KCTD16: variants seen among roughly 807,000 people sequenced by gnomAD.
KCTD16 encodes the protein potassium channel tetramerization domain containing 16, also known as BTB/POZ domain-containing protein KCTD16.
KCTD16 carries 13 observed loss-of-function variants against 33.2 expected under a neutral mutation model. The observed-to-expected ratio is 0.39, with a 90% CI of 0.25 to 0.62. The LOEUF (loss-of-function observed/expected upper bound fraction) is 0.62, where lower values mean the gene tolerates loss of function less well. Among genes scored for constraint, KCTD16 ranks in the 20% least tolerant of loss-of-function variants. The pLI, the probability that KCTD16 is intolerant of heterozygous loss-of-function variation, is 0.50. For missense variants in KCTD16, 441 were observed against 525.1 expected (o/e 0.84, Z 1.57); for synonymous variants, 197 against 195.3 (o/e 1.01, Z -0.07).
In KCTD16 at chr5:144,477,073, TA is replaced by T. The variant is rs1754610727; in HGVS notation, c.*2962del. ...CAGTGAGCTTTGGGAGATCATTCCC[TA>T]AAGGTATGTGGGTTGTCTGAAGTCA... On this transcript the variant is annotated 3_prime_UTR_variant, in exon 4 of 4. Coordinates refer to ENST00000512467, the MANE Select transcript of KCTD16 (RefSeq NM_020768.4). The T allele has an allele frequency of 1.3e-5, 2 of 152,060 alleles. No individual in the cohort carries two copies. Among genetic ancestry groups the T allele is most frequent in the Admixed American group, 1.3e-4 (2 of 15,262 alleles). 9.4% of individuals were successfully genotyped at this position (152,060 alleles called of 1,614,324 possible). A position where few individuals can be genotyped will look rare whatever the true frequency, so the allele number is the denominator to read the frequency against.
rs7723993 is a variant in KCTD16 at position 144,412,539 on chromosome 5, T to A, written c.833-61121T>A. 2.7e-3 allele frequency among the ~76,000 whole-genome samples: 405 copies of A among 152,188 alleles called. 2 individuals are homozygous for A. The highest frequency in any genetic ancestry group is 9.0e-3 in the African/African-American group (372 of 41,524). On this transcript the variant is annotated intron_variant, in intron 3 of 3. Transcript: ENST00000512467. ...TAGGAAGGGTAAGGGGGAGGGGATA[T>A]AAAGAGAGTTTGACTAGTGGATTCA... is the stretch of plus-strand genomic sequence containing the variant.
At chr5:144,447,910 C>T (rs1183117040) in intron 3 of KCTD16, among the ~76,000 whole-genome samples, 1 of 151,924 alleles carries the variant, frequency 6.6e-6, no homozygotes, top group Admixed American at 6.6e-5. Context: ...CAGATTATAC[C>T]CTAGACCACT....
At chr5:144,197,176 T>G (rs1168875101) in intron 2 of KCTD16, among the ~76,000 whole-genome samples, 1 of 152,238 alleles carries the variant, frequency 6.6e-6, no homozygotes, top group Non-Finnish European at 1.5e-5. Flanking sequence ...AAATCATATT[T>G]TTCAAGCATA....
chr5:144,382,885 C>A (rs577323138), intron 3 of KCTD16, among the ~76,000 whole-genome samples: 2 of 152,318 alleles, frequency 1.3e-5, no homozygotes, highest in Admixed American at 6.5e-5. Context: ...CCACTAAATT[C>A]TCATATTGCT....
At chr5:144,250,500 G>GT (rs959615301) in intron 3 of KCTD16, among the ~76,000 whole-genome samples, 1 of 152,156 alleles carries the variant, frequency 6.6e-6, no homozygotes, top group Admixed American at 6.5e-5. Context: ...TTCCAGAAAC[G>GT]TTTTTCTCAG....
At position 144,473,669 on chromosome 5, in the gene KCTD16, C is replaced by A; in HGVS notation, c.842C>A (p.Ser281Tyr). The change falls in exon 4 of 4, where the codon TCC (serine) becomes TAC (tyrosine). Residue 281 changes from serine (S) to tyrosine (Y), a missense_variant. Transcript: ENST00000512467. ...YTEYVFYREP[S>Y]RWSPSHCDCC... ...TTTGCTTTCTTTTCAGGTGAGCCTT[C>A]CAGATGGTCACCCTCACACTGCGAT... The A allele has an allele frequency of 6.3e-7, 1 of 1,595,252 alleles. No homozygotes were observed.
chr5:144,375,281 C>T (rs1484802030), intron 3 of KCTD16, among the ~76,000 whole-genome samples: 1 of 152,214 alleles, frequency 6.6e-6, no homozygotes, highest in East Asian at 1.9e-4. Context: ...TTGATGTCTA[C>T]ACCAATCTGC....
At chr5:144,462,716 A>G (rs182858980) in intron 3 of KCTD16, among the ~76,000 whole-genome samples, 46 of 152,274 alleles carry the variant, frequency 3.0e-4, no homozygotes, top group East Asian at 7.7e-4. Context: ...CTGGCTTCCA[A>G]TGGTTTCCAC....
At chr5:144,208,377 C>A (rs1225957871) in intron 3 of KCTD16, among the ~76,000 whole-genome samples, 1 of 152,148 alleles carries the variant, frequency 6.6e-6, no homozygotes, top group Non-Finnish European at 1.5e-5. Context: ...AATGAAGATA[C>A]CCTGCAGATT....
intron 3 of KCTD16, among the ~76,000 whole-genome samples, chr5:144,268,843 A>G (rs1045778543): frequency 6.6e-6 from 1 of 152,158 alleles, no homozygotes; most frequent in African/African-American, 2.4e-5. Context: ...GATGTTGGGA[A>G]ACTCAAGAAA....
chr5:144,311,051 CA>C (rs1174299126), intron 3 of KCTD16, among the ~76,000 whole-genome samples: 1 of 152,136 alleles, frequency 6.6e-6, no homozygotes, highest in Non-Finnish European at 1.5e-5. Context: ...TCAAACCAAT[CA>C]TGGTAATTCC....
chr5:144,254,319 T>G (rs185060319), intron 3 of KCTD16, among the ~76,000 whole-genome samples: 32,334 of 151,254 alleles, frequency 0.21, 3,892 homozygotes, highest in Non-Finnish European at 0.28. Context: ...TTTTTTTGTT[T>G]TTTTAGTTAG....
chr5:144,261,936 T>G (rs1405007437), intron 3 of KCTD16, among the ~76,000 whole-genome samples: 1 of 152,204 alleles, frequency 6.6e-6, no homozygotes, highest in African/African-American at 2.4e-5. Context: ...CATACTTATT[T>G]TCTCTCAAAC....
chr5:144,343,726 A>G (rs1752707702), intron 3 of KCTD16, among the ~76,000 whole-genome samples: 1 of 152,102 alleles, frequency 6.6e-6, no homozygotes, highest in Admixed American at 6.5e-5. Flanking sequence ...TAGTGGTATA[A>G]ATTTCCCTCT....
At chr5:144,242,411 T>G (rs1754429589) in intron 3 of KCTD16, among the ~76,000 whole-genome samples, 1 of 152,200 alleles carries the variant, frequency 6.6e-6, no homozygotes, top group Non-Finnish European at 1.5e-5. Context: ...TTTTTCCCTA[T>G]GTATAACACC....
chr5:144,471,590 T>G lies in KCTD16; in HGVS notation c.833-2070T>G, dbSNP rs541828393. Among the ~76,000 whole-genome samples the G allele has an allele frequency of 1.7e-3, 264 of 152,260 alleles. 1 individual carries two copies. Among genetic ancestry groups the G allele is most frequent in the Non-Finnish European group, 3.0e-3 (201 of 67,992 alleles). On this transcript the variant is annotated intron_variant, in intron 3 of 3. Transcript: ENST00000512467. Reference sequence around the variant, plus strand: ...CATTTTGGTATAGGGGTTGCCGAGTTTGGGGAAGCAGAAGCATATTCTGCC... The same window carrying G: ...CATTTTGGTATAGGGGTTGCCGAGTGTGGGGAAGCAGAAGCATATTCTGCC...
intron 3 of KCTD16, among the ~76,000 whole-genome samples, chr5:144,425,675 T>C (rs993597508): frequency 6.6e-6 from 1 of 152,016 alleles, no homozygotes; most frequent in Non-Finnish European, 1.5e-5. Context: ...AGTAGCAGCA[T>C]GTACCACGCC....
At chr5:144,381,110 A>T (rs1752204636) in intron 3 of KCTD16, among the ~76,000 whole-genome samples, 1 of 152,184 alleles carries the variant, frequency 6.6e-6, no homozygotes, top group African/African-American at 2.4e-5. Flanking sequence ...ATTAACAAGG[A>T]AAAAACAAGC....
chr5:144,249,278 G>A (rs1257523494), intron 3 of KCTD16, among the ~76,000 whole-genome samples: 1 of 151,984 alleles, frequency 6.6e-6, no homozygotes, highest in East Asian at 1.9e-4. Flanking sequence ...CTGCGTCAGA[G>A]GCTCCTTGTG....
Sources: gnomAD v4.1 joint callset for allele counts (sites outside exome capture counted in the v4.1 genomes callset) on GRCh38, gnomAD v4.1.1 for gene constraint, MANE v1.5 for transcripts, NCBI Gene and HGNC (gene_info 2026-07-23, HGNC 2026-07-21) for gene names.